The following FREM1 variants were observed in gnomAD, a reference collection of about 807,000 sequenced individuals.
FREM1 encodes FRAS1 related extracellular matrix 1, also known as FRAS1-related extracellular matrix protein 1.
A neutral mutation model predicts 210.1 loss-of-function variants in FREM1; 220 were observed. That is an observed-to-expected ratio of 1.05 (90% CI 0.94 to 1.17). The LOEUF is 1.17. Among genes scored for constraint, FREM1 ranks in the 50% most tolerant of loss-of-function variants. The pLI is 0.00. For synonymous variants in FREM1, 1,189 were observed against 980.2 expected, an observed-to-expected ratio of 1.21 and a Z score of -3.98; for missense variants, 3,454 against 2,675.5, an observed-to-expected ratio of 1.29 and a Z score of -6.42.
chr9:14,773,863 T>C (rs1353928734), intron 25 of FREM1, among the ~76,000 whole-genome samples: 1 of 152,092 alleles, frequency 6.6e-6, no homozygotes, highest in East Asian at 1.9e-4. Flanking sequence ...GCACTCAGAA[T>C]TTAGAATTCG....
In FREM1 at chr9:14,784,352, A is replaced by C. The variant is rs1394126548; in HGVS notation, c.4442+18T>G. Reference sequence around the variant, plus strand: ...ATTAATCCAAAGAAGGGGTTTGAAAAGTTTCCATGGGGCTCACCTGAATCT... The same window carrying C: ...ATTAATCCAAAGAAGGGGTTTGAAACGTTTCCATGGGGCTCACCTGAATCT... On this transcript the variant is annotated intron_variant, in intron 24 of 36. Transcript: ENST00000380880. 5 of 1,605,420 alleles carry C rather than the reference A, an allele frequency of 3.1e-6. 1 individual carries two copies. Among genetic ancestry groups the C allele is most frequent in the Non-Finnish European group, 4.3e-6 (5 of 1,174,138 alleles).
At chr9:14,774,455 T>C (rs1333458974) in intron 25 of FREM1, among the ~76,000 whole-genome samples, 1 of 151,942 alleles carries the variant, frequency 6.6e-6, no homozygotes, top group African/African-American at 2.4e-5. Context: ...CCTGTGTATT[T>C]CGGACATGCC....
At chr9:14,877,634 G>A (rs939278717) in intron 1 of FREM1, among the ~76,000 whole-genome samples, 9 of 151,994 alleles carry the variant, frequency 5.9e-5, no homozygotes, top group Admixed American at 2.0e-4. Context: ...CTGGAACCAG[G>A]GGCTCTCCTG....
Position 14,859,243 on chromosome 9 carries a change from C to A in FREM1, c.571G>T (p.Gly191Trp). ...CGAGGTTCTTCTGGTCGAGGCTCCCCGAGAACCATCTGGCCATGGGCTGGC... is the reference window on the plus strand; with the variant it reads ...CGAGGTTCTTCTGGTCGAGGCTCCCAGAGAACCATCTGGCCATGGGCTGGC... ...RLPAHGQMVLGEPRPEEPRGD... is the reference protein window; with the variant it reads ...RLPAHGQMVLWEPRPEEPRGD... The change falls in exon 4 of 37, where the codon GGG becomes TGG. Residue 191 changes from glycine to tryptophan, a missense_variant. Coordinates refer to ENST00000380880, the MANE Select transcript of FREM1 (RefSeq NM_001379081.2). 2 of 1,612,250 alleles carry A rather than the reference C, an allele frequency of 1.2e-6. No homozygotes were observed. The highest frequency in any genetic ancestry group is 1.7e-6 in the Non-Finnish European group (2 of 1,178,626).
chr9:14,859,474 T>G lies in FREM1; in HGVS notation c.340A>C (p.Arg114=), dbSNP rs1829409735. ...ATAAAAGTTTCTATGAAGGTATCTC[T>G]TTCAGTAAATCTGTGGAGAACACAG... The part of the protein sequence containing the change: ...VKLRLYRFTE[R]DTFIETFILW... The change falls in exon 4 of 37, where the codon AGA becomes CGA. Residue 114 remains arginine (R), a synonymous_variant. Coordinates refer to ENST00000380880, the MANE Select transcript of FREM1 (RefSeq NM_001379081.2). 6.2e-7 allele frequency: 1 copy of G among 1,611,898 alleles called. No individual in the cohort carries two copies. The highest frequency in any genetic ancestry group is 8.5e-7 in the Non-Finnish European group (1 of 1,178,678).
At chr9:14,770,482 A>C (rs1409917084) in intron 26 of FREM1, 123 bp downstream of exon 26, 2 of 671,904 alleles carry the variant, frequency 3.0e-6, no homozygotes, top group African/African-American at 3.6e-5. Flanking sequence ...TATAAACTGC[A>C]TCTATCAGTA....
At chr9:14,825,260 G>C (rs1360287919) in intron 10 of FREM1, among the ~76,000 whole-genome samples, 2 of 151,790 alleles carry the variant, frequency 1.3e-5, no homozygotes, top group East Asian at 3.9e-4. Flanking sequence ...GGCCGAGGTG[G>C]GCAGATCACC....
intron 1 of FREM1, among the ~76,000 whole-genome samples, chr9:14,908,337 C>A (rs1328937906): frequency 6.6e-6 from 1 of 152,180 alleles, no homozygotes; most frequent in Admixed American, 6.5e-5. Flanking sequence ...CAGCCTCGCC[C>A]AACCCCTACA....
chr9:14,819,403 T>C lies in FREM1; in HGVS notation c.2377A>G (p.Ser793Gly), dbSNP rs370481525. Residue 793 changes from serine (S) to glycine (G), a missense_variant, in exon 14 of 37, where the codon AGC becomes GGC. Transcript: ENST00000380880. ...NPLKVTEGGQ[S>G]IISTEHILIS... ...AGAATGTGCTCTGTGCTGATGATGC[T>C]TTGACCTCCCTCAGTCACTTTCAGA... The C allele has an allele frequency of 1.9e-5, 31 of 1,613,382 alleles. No homozygotes were observed. Among genetic ancestry groups the C allele is most frequent in the African/African-American group, 2.7e-5 (2 of 74,920 alleles).
chr9:14,760,560 G>C (rs1233086726), intron 27 of FREM1, among the ~76,000 whole-genome samples: 1 of 152,152 alleles, frequency 6.6e-6, no homozygotes, highest in Non-Finnish European at 1.5e-5. Context: ...TATTTAGTGA[G>C]TCCAACATTT....
chr9:14,757,477 C>T (rs985558314), intron 28 of FREM1, among the ~76,000 whole-genome samples: 1 of 152,124 alleles, frequency 6.6e-6, no homozygotes, highest in Non-Finnish European at 1.5e-5. Context: ...AGAGCTTGAA[C>T]TTGGGAGGTG....
intron 24 of FREM1, 118 bp downstream of exon 24, chr9:14,784,252 A>G (rs1358285466): frequency 2.3e-6 from 2 of 887,172 alleles, no homozygotes; most frequent in Admixed American, 2.5e-5. Context: ...ATACAGCGTG[A>G]TGTTATAAGA....
intron 24 of FREM1, among the ~76,000 whole-genome samples, chr9:14,778,077 C>A (rs779234286): frequency 6.6e-6 from 1 of 152,082 alleles, no homozygotes; most frequent in South Asian, 2.1e-4. Flanking sequence ...ATTTCACACA[C>A]CTCGACTTGT....
intron 1 of FREM1, among the ~76,000 whole-genome samples, chr9:14,884,513 T>C (rs1835421385): frequency 1.3e-5 from 2 of 152,244 alleles, no homozygotes; most frequent in Non-Finnish European, 2.9e-5. Flanking sequence ...TGAAAATTCA[T>C]AAAGATTTCT....
At chr9:14,852,634 T>C (rs1247472523) in intron 5 of FREM1, among the ~76,000 whole-genome samples, 1 of 152,174 alleles carries the variant, frequency 6.6e-6, no homozygotes, top group African/African-American at 2.4e-5. Flanking sequence ...TTTGAAGTTA[T>C]GGTGAGCTAT....
intron 3 of FREM1, among the ~76,000 whole-genome samples, chr9:14,860,660 T>C (rs1193965564): frequency 1.5e-5 from 2 of 135,946 alleles, no homozygotes; most frequent in African/African-American, 6.1e-5. Context: ...TATACACATA[T>C]ATACATATAT....
chr9:14,900,893 C>T (rs1307995749), intron 1 of FREM1, among the ~76,000 whole-genome samples: 1 of 152,116 alleles, frequency 6.6e-6, no homozygotes, highest in Non-Finnish European at 1.5e-5. Flanking sequence ...ACATCCCTTC[C>T]CCAACTTTAG....
chr9:14,759,750 A>C (rs779524138), intron 28 of FREM1, 22 bp downstream of exon 28: 1 of 1,546,524 alleles, frequency 6.5e-7, no homozygotes. Flanking sequence ...TAGCTTGATA[A>C]TTTACATTTC....
At position 14,868,990 on chromosome 9, in the gene FREM1, C is replaced by T; in HGVS notation, c.-13G>A. Reference sequence around the variant, plus strand: ...TCAGAGAGTTCATGCTGACAGGGCCCAACTCTTCTCTGTCCACCGGCGAAA... The same window carrying T: ...TCAGAGAGTTCATGCTGACAGGGCCTAACTCTTCTCTGTCCACCGGCGAAA... On this transcript the variant is annotated 5_prime_UTR_variant, in exon 2 of 37. Transcript: ENST00000380880. The T allele has an allele frequency of 6.6e-7, 1 of 1,523,578 alleles. No individual in the cohort carries two copies. The highest frequency in any genetic ancestry group is 8.9e-7 in the Non-Finnish European group (1 of 1,129,034). 94.4% of individuals were successfully genotyped at this position (1,523,578 alleles called of 1,614,324 possible). A position where few individuals can be genotyped will look rare whatever the true frequency, so the allele number is the denominator to read the frequency against.
Sources: gnomAD v4.1 joint callset for allele counts (sites outside exome capture counted in the v4.1 genomes callset) on GRCh38, gnomAD v4.1.1 for gene constraint, MANE v1.5 for transcripts, NCBI Gene and HGNC (gene_info 2026-07-23, HGNC 2026-07-21) for gene names.